The following RCAN1 variants were observed in gnomAD, a reference collection of about 807,000 sequenced individuals.
RCAN1 encodes regulator of calcineurin 1.
In RCAN1, 11 loss-of-function variants were observed where a neutral mutation model predicts 22.9. That is an observed-to-expected ratio of 0.48 (90% CI 0.30 to 0.79). The LOEUF (loss-of-function observed/expected upper bound fraction) is 0.79. RCAN1 is among the 30% of genes least tolerant of loss of function. The pLI, the probability that RCAN1 is intolerant of heterozygous loss-of-function variation, is 0.06. For missense variants in RCAN1, 291 were observed against 337.8 expected, an observed-to-expected ratio of 0.86 and a Z score of 1.09; for synonymous variants, 136 against 142.3, an observed-to-expected ratio of 0.96 and a Z score of 0.32.
intron 1 of RCAN1, among the ~76,000 whole-genome samples, chr21:34,539,137 T>C (rs866314066): frequency 1.9e-4 from 29 of 152,344 alleles, no homozygotes; most frequent in Middle Eastern, 3.4e-3. Flanking sequence ...AAATCCCGAA[T>C]ACTGACTCAA....
intron 1 of RCAN1, among the ~76,000 whole-genome samples, chr21:34,540,473 C>T (rs186260746): frequency 2.6e-5 from 4 of 152,292 alleles, no homozygotes; most frequent in Non-Finnish European, 4.4e-5. Context: ...AGATCTCCCA[C>T]GTGACTTCTC....
intron 1 of RCAN1, among the ~76,000 whole-genome samples, chr21:34,606,726 G>C (rs180722086): frequency 9.2e-5 from 14 of 152,248 alleles, no homozygotes; most frequent in African/African-American, 2.4e-4. Flanking sequence ...TATAAGAAGA[G>C]ACACCAGAGA....
intron 1 of RCAN1, among the ~76,000 whole-genome samples, chr21:34,536,453 G>C (rs1042584569): frequency 6.6e-6 from 1 of 152,192 alleles, no homozygotes; most frequent in Non-Finnish European, 1.5e-5. Flanking sequence ...CCAGTGTCTG[G>C]TTAGCCCTCA....
At chr21:34,573,114 C>T (rs1195688064) in intron 1 of RCAN1, among the ~76,000 whole-genome samples, 2 of 152,198 alleles carry the variant, frequency 1.3e-5, no homozygotes, top group Non-Finnish European at 2.9e-5. Context: ...AAATTATTCT[C>T]TTGGGTGAAA....
chr21:34,521,728 C>G, intron 2 of RCAN1, 70 bp from the exon 3 acceptor site: 1 of 1,339,588 alleles, frequency 7.5e-7, no homozygotes, highest in South Asian at 1.4e-5. Context: ...CAGCACCTAA[C>G]GCCAGTTCCG....
intron 1 of RCAN1, chr21:34,613,889 T>G: frequency 7.3e-7 from 1 of 1,376,344 alleles, no homozygotes; most frequent in East Asian, 2.7e-5. Flanking sequence ...AAAGCACTGC[T>G]TTTTTTGACA....
Position 34,614,822 on chromosome 21 carries a change from G to T in RCAN1, c.190C>A (p.Leu64Met). The T allele has an allele frequency of 1.3e-6, 2 of 1,490,022 alleles. No individual in the cohort carries two copies. Among genetic ancestry groups the T allele is most frequent in the East Asian group, 2.9e-5 (1 of 34,286 alleles). The allele number at this position is 1,490,022 out of a possible 1,614,324, so 92.3% of individuals were successfully genotyped here. Residue 64 changes from leucine (L) to methionine (M), a missense_variant, in exon 1 of 4, where the codon CTG becomes ATG. By Grantham distance (15) the Leu-to-Met change is conservative. Transcript: ENST00000313806. The surrounding 1 kb of genome is among the most constrained non-coding windows in gnomAD (Gnocchi z 6.0). ...TGACAGGCGATGGTGGCGCTGGGCA[G>T]GTCCTGCAGGTCCACCTCCTCCATC... is the stretch of plus-strand genomic sequence containing the variant. ...CEMEEVDLQD[L>M]PSATIACHLD...
At chr21:34,583,973 T>C (rs1274726439) in intron 1 of RCAN1, among the ~76,000 whole-genome samples, 7 of 152,174 alleles carry the variant, frequency 4.6e-5, no homozygotes, top group Admixed American at 4.6e-4. Flanking sequence ...AATCATAAAG[T>C]CTAACTATGA....
At chr21:34,531,520 C>T in intron 1 of RCAN1, among the ~76,000 whole-genome samples, 1 of 152,304 alleles carries the variant, frequency 6.6e-6, no homozygotes, top group East Asian at 1.9e-4. Flanking sequence ...TCCCAACTGG[C>T]CTCGCTTGGC....
chr21:34,571,579 C>T (rs532200704), intron 1 of RCAN1, among the ~76,000 whole-genome samples: 11 of 152,202 alleles, frequency 7.2e-5, no homozygotes, highest in African/African-American at 2.2e-4. Context: ...TTTTTTGAGA[C>T]AGGGTCTCAC....
At chr21:34,598,834 C>T (rs901604661) in intron 1 of RCAN1, among the ~76,000 whole-genome samples, 12 of 151,970 alleles carry the variant, frequency 7.9e-5, no homozygotes, top group Non-Finnish European at 1.2e-4. Flanking sequence ...AGAAAAGTAG[C>T]GCAAGATATA....
At chr21:34,583,505 C>G (rs146457269) in intron 1 of RCAN1, among the ~76,000 whole-genome samples, 1 of 152,090 alleles carries the variant, frequency 6.6e-6, no homozygotes. Context: ...CTAATCTGAT[C>G]GGTGTCTTTG....
At chr21:34,540,782 C>T (rs1171888762) in intron 1 of RCAN1, among the ~76,000 whole-genome samples, 1 of 151,776 alleles carries the variant, frequency 6.6e-6, no homozygotes, top group Non-Finnish European at 1.5e-5. Flanking sequence ...GTCAGGAGTT[C>T]GAGACAAGCC....
intron 1 of RCAN1, chr21:34,524,297 A>T (rs981122456): frequency 1.3e-5 from 2 of 152,706 alleles, no homozygotes; most frequent in African/African-American, 4.8e-5. Flanking sequence ...AAACTTTTTT[A>T]AAAAGTAGAA....
intron 1 of RCAN1, chr21:34,525,226 C>T: frequency 6.4e-7 from 1 of 1,550,526 alleles, no homozygotes; most frequent in South Asian, 1.2e-5. Context: ...CATGGGGCTG[C>T]GGGTAGGAGC....
chr21:34,532,813 A>G (rs536292451), intron 1 of RCAN1, among the ~76,000 whole-genome samples: 1 of 152,316 alleles, frequency 6.6e-6, no homozygotes, highest in African/African-American at 2.4e-5. Flanking sequence ...AAACCCTGCC[A>G]CTAAGATGAG....
At chr21:34,566,285 C>T (rs1173055326) in intron 1 of RCAN1, among the ~76,000 whole-genome samples, 1 of 152,196 alleles carries the variant, frequency 6.6e-6, no homozygotes, top group Non-Finnish European at 1.5e-5. Context: ...CAGACCCACT[C>T]AATATTCCAG....
chr21:34,581,607 A>G (rs1202230456), intron 1 of RCAN1, among the ~76,000 whole-genome samples: 1 of 152,238 alleles, frequency 6.6e-6, no homozygotes, highest in Non-Finnish European at 1.5e-5. Flanking sequence ...AAAGAAAAAC[A>G]GCCATCATTC....
intron 3 of RCAN1, chr21:34,521,244 G>A: frequency 1.4e-6 from 2 of 1,430,210 alleles, no homozygotes; most frequent in Non-Finnish European, 1.8e-6. Flanking sequence ...GGATTCCTGG[G>A]ACACTGCGGG....
Sources: gnomAD v4.1 joint callset for allele counts (sites outside exome capture counted in the v4.1 genomes callset) on GRCh38, gnomAD v4.1.1 for gene constraint, Gnocchi (gnomAD v3.1) non-coding constraint, MANE v1.5 for transcripts, NCBI Gene and HGNC (gene_info 2026-07-23, HGNC 2026-07-21) for gene names.